Variants in HS6ST2 observed in about 807,000 individuals in gnomAD.
HS6ST2 encodes the protein heparan sulfate 6-O-sulfotransferase 2, also known as heparan-sulfate 6-O-sulfotransferase 2.
HS6ST2 carries 17 observed loss-of-function variants against 33.0 expected under a neutral mutation model. That is an observed-to-expected ratio of 0.52 (90% confidence interval 0.35 to 0.77). HS6ST2 has a LOEUF of 0.77. Among genes scored for constraint, HS6ST2 ranks in the 30% least tolerant of loss-of-function variants. The pLI, the probability that HS6ST2 is intolerant of heterozygous loss-of-function variation, is 0.01. For synonymous variants in HS6ST2, 248 were observed against 237.1 expected, an observed-to-expected ratio of 1.05 and a Z score of -0.42; for missense variants, 519 against 551.7, an observed-to-expected ratio of 0.94 and a Z score of 0.59.
chrX:132,728,508 C>CG (rs2064420084), intron 2 of HS6ST2, among the ~76,000 whole-genome samples: 1 of 111,717 alleles, frequency 9.0e-6, no homozygotes, highest in African/African-American at 3.3e-5. Context: ...CAGCCTAACG[C>CG]GGGCATGTTG....
intron 2 of HS6ST2, among the ~76,000 whole-genome samples, chrX:132,867,654 T>C (rs1290212396): frequency 9.0e-6 from 1 of 111,407 alleles, no homozygotes; most frequent in Non-Finnish European, 1.9e-5. Flanking sequence ...AGAAAACAAT[T>C]TTCAACCCAG....
At chrX:132,717,252 T>G (rs1270261807) in intron 2 of HS6ST2, among the ~76,000 whole-genome samples, 2 of 112,877 alleles carry the variant, frequency 1.8e-5, no homozygotes, top group Non-Finnish European at 3.7e-5. Flanking sequence ...GAAACTTCCT[T>G]TCAGCCAGCC....
intron 2 of HS6ST2, among the ~76,000 whole-genome samples, chrX:132,914,759 C>T (rs1045850336): frequency 7.1e-5 from 8 of 112,045 alleles, no homozygotes; most frequent in East Asian, 2.8e-4. Context: ...TGAACCTCAG[C>T]GGACATCCAA....
chrX:132,871,164 T>C (rs1427460415), intron 2 of HS6ST2, among the ~76,000 whole-genome samples: 3 of 111,685 alleles, frequency 2.7e-5, no homozygotes, highest in Non-Finnish European at 5.7e-5. Context: ...CCAACAAACA[T>C]ATGAAAAAAA....
chrX:132,648,538 C>CAAAAAAAA (rs386417567), intron 4 of HS6ST2, among the ~76,000 whole-genome samples: 1 of 57,583 alleles, frequency 1.7e-5, no homozygotes, highest in Non-Finnish European at 3.4e-5. Flanking sequence ...TGGAAAGAGA[C>CAAAAAAAA]AAAAAAAAAA....
chrX:132,935,202 T>C (rs2066811503), intron 2 of HS6ST2, among the ~76,000 whole-genome samples: 1 of 102,096 alleles, frequency 9.8e-6, no homozygotes, highest in Non-Finnish European at 2.0e-5. Context: ...GTGGAACAAC[T>C]AGAAAAAGAT....
At chrX:132,750,278 T>C (rs191654985) in intron 2 of HS6ST2, among the ~76,000 whole-genome samples, 1 of 106,843 alleles carries the variant, frequency 9.4e-6, no homozygotes, top group East Asian at 2.9e-4. Context: ...GCTCAATAAA[T>C]GTTGACTGAC....
intron 2 of HS6ST2, among the ~76,000 whole-genome samples, chrX:132,946,014 T>C (rs1317293172): frequency 9.0e-6 from 1 of 111,406 alleles, no homozygotes; most frequent in Non-Finnish European, 1.9e-5. Context: ...AAAAAAGAAA[T>C]GAAAAAATGC....
At chrX:132,839,272 GTATATATATATATATATATA>G (rs748319681) in intron 2 of HS6ST2, among the ~76,000 whole-genome samples, 42 of 62,795 alleles carry the variant, frequency 6.7e-4, no homozygotes, top group Non-Finnish European at 7.6e-4. Context: ...TGTAGTGTGT[GTATATATATATATATATATA>G]TATATATATA....
intron 2 of HS6ST2, among the ~76,000 whole-genome samples, chrX:132,742,467 G>C (rs1262329041): frequency 9.0e-6 from 1 of 111,423 alleles, no homozygotes; most frequent in Admixed American, 9.5e-5. Context: ...TCCTCCCACT[G>C]TGTACCCCAC....
At chrX:132,880,523 T>C (rs1426865119) in intron 2 of HS6ST2, among the ~76,000 whole-genome samples, 1 of 2,536 alleles carries the variant, frequency 3.9e-4, no homozygotes, top group Non-Finnish European at 1.0e-3. Flanking sequence ...AGACTCTGTG[T>C]AAAAAAAAAA....
intron 2 of HS6ST2, among the ~76,000 whole-genome samples, chrX:132,945,219 G>T (rs2066937301): frequency 8.9e-6 from 1 of 112,250 alleles, no homozygotes; most frequent in South Asian, 3.7e-4. Flanking sequence ...CTTCTTAAAA[G>T]AAGACATTTA....
At chrX:132,650,684 C>G (rs748660035) in intron 4 of HS6ST2, among the ~76,000 whole-genome samples, 1 of 108,954 alleles carries the variant, frequency 9.2e-6, no homozygotes, top group African/African-American at 3.4e-5. Flanking sequence ...ACCCCCTTTT[C>G]CACCTCAACC....
At chrX:132,838,396 G>A (rs1173573032) in intron 2 of HS6ST2, among the ~76,000 whole-genome samples, 2 of 111,600 alleles carry the variant, frequency 1.8e-5, no homozygotes, top group Admixed American at 9.5e-5. Context: ...AGCACCAGAC[G>A]GTGATTACAG....
chrX:132,669,124 A>G lies in HS6ST2; in HGVS notation c.1056T>C (p.Ser352=). The change falls in exon 4 of 5, where the codon TCT becomes TCC. Residue 352 remains serine (S), a synonymous_variant. Transcript: ENST00000370833. ...SPSSTKTRNT[S]KSGKNFHYIT... The stretch of plus-strand genomic sequence containing the variant: ...ACTTTTTCACTTACTTCCCACTCTT[A>G]GATGTGTTCCGGGTCTTTGTGGATG... The G allele has an allele frequency of 8.3e-7, 1 of 1,201,429 alleles. No individual in the cohort carries two copies. The highest frequency in any genetic ancestry group is 1.1e-6 in the Non-Finnish European group (1 of 886,601).
chrX:132,776,196 A>G (rs1284336599), intron 2 of HS6ST2, among the ~76,000 whole-genome samples: 3 of 112,340 alleles, frequency 2.7e-5, no homozygotes, highest in Non-Finnish European at 3.8e-5. Context: ...GAACATTTTG[A>G]AAGAAATATG....
At position 132,627,729 on chromosome X, in the gene HS6ST2, T is replaced by C. The variant is rs1021025597; in HGVS notation, c.*494A>G. 8.9e-6 allele frequency: 1 copy of C among 112,418 alleles called. No individual in the cohort carries two copies. The highest frequency in any genetic ancestry group is 3.2e-5 in the African/African-American group (1 of 30,903). The allele number at this position is 112,418 out of a possible 1,213,427, so 9.3% of individuals were successfully genotyped here. A position where few individuals can be genotyped will look rare whatever the true frequency, so the allele number is the denominator to read the frequency against. ...CAGTTGTTATTCTATTTAAATAGAT[T>C]CCTTGTTAAAATCAGAAGAAAATAA... On this transcript the variant is annotated 3_prime_UTR_variant, in exon 5 of 5. Transcript: ENST00000370833.
At chrX:132,720,982 CAG>C (rs1288130743) in intron 2 of HS6ST2, among the ~76,000 whole-genome samples, 4 of 111,490 alleles carry the variant, frequency 3.6e-5, no homozygotes, top group African/African-American at 1.3e-4. Context: ...CGATAATAAT[CAG>C]AGATTCCAAC....
intron 2 of HS6ST2, among the ~76,000 whole-genome samples, chrX:132,769,278 C>T (rs1247075079): frequency 1.8e-5 from 2 of 112,347 alleles, no homozygotes; most frequent in Non-Finnish European, 3.8e-5. Context: ...CTTTTGAAAG[C>T]AAGAAGACAA....
Sources: allele counts gnomAD v4.1 joint callset (sites outside exome capture counted in the v4.1 genomes callset), GRCh38; gene constraint gnomAD v4.1.1; transcripts MANE v1.5; gene names NCBI Gene and HGNC (gene_info 2026-07-23, HGNC 2026-07-21).